Variants in ATOSA observed in about 807,000 individuals in gnomAD.
ATOSA encodes atos homolog protein A.
At chr15:52,698,351 G>A in the ATOSA span, among the ~76,000 whole-genome samples, 1 of 152,066 alleles carries the variant, frequency 6.6e-6, no homozygotes, top group Non-Finnish European at 1.5e-5. Flanking sequence ...AAACCACTGA[G>A]TTTCTGCTAG....
chr15:52,651,794 C>G, the ATOSA span: 2 of 1,406,594 alleles, frequency 1.4e-6, no homozygotes, highest in Non-Finnish European at 1.9e-6. Context: ...AAGCAAGCAC[C>G]ACAGCCAACT....
the ATOSA span, chr15:52,587,126 C>T: frequency 6.2e-7 from 1 of 1,612,372 alleles, no homozygotes; most frequent in East Asian, 2.2e-5. Flanking sequence ...ATGATTATTG[C>T]AATTGTAGGC....
the ATOSA span, among the ~76,000 whole-genome samples, chr15:52,670,655 A>G: frequency 2.0e-5 from 3 of 152,252 alleles, no homozygotes; most frequent in African/African-American, 7.2e-5. Context: ...CAGGATAGCA[A>G]GAGGAAACTA....
At chr15:52,610,083 A>G in the ATOSA span, 1 of 1,614,026 alleles carries the variant, frequency 6.2e-7, no homozygotes, top group Non-Finnish European at 8.5e-7. Flanking sequence ...ACACACTTTC[A>G]GGTGCCATGG....
At chr15:52,594,841 T>G in the ATOSA span, among the ~76,000 whole-genome samples, 1 of 152,212 alleles carries the variant, frequency 6.6e-6, no homozygotes. Flanking sequence ...GCCAGAGTTC[T>G]TTTTCTTTTT....
chr15:52,695,295 G>A, the ATOSA span, among the ~76,000 whole-genome samples: 8 of 152,156 alleles, frequency 5.3e-5, no homozygotes, highest in African/African-American at 7.2e-5. Flanking sequence ...ACAAGTCTGC[G>A]CTTTATCTGT....
chr15:52,655,474 A>G, the ATOSA span, among the ~76,000 whole-genome samples: 1 of 152,254 alleles, frequency 6.6e-6, no homozygotes, highest in South Asian at 2.1e-4. Context: ...TAATCCAGAG[A>G]AAGTGAAAGG....
the ATOSA span, among the ~76,000 whole-genome samples, chr15:52,600,505 AAATT>A: frequency 6.6e-6 from 1 of 152,196 alleles, no homozygotes. Context: ...CTACCATAAT[AAATT>A]AATGTTATCA....
chr15:52,683,188 C>A, the ATOSA span, among the ~76,000 whole-genome samples: 1 of 152,054 alleles, frequency 6.6e-6, no homozygotes, highest in Non-Finnish European at 1.5e-5. Context: ...TTTTTTGTGA[C>A]AGTAACTGTG....
At chr15:52,683,034 CG>C in the ATOSA span, among the ~76,000 whole-genome samples, 4 of 152,104 alleles carry the variant, frequency 2.6e-5, no homozygotes, top group Admixed American at 1.3e-4. Flanking sequence ...TCCCAGTCTG[CG>C]TAAGTGTCTT....
chr15:52,619,238 A>G, the ATOSA span, among the ~76,000 whole-genome samples: 1 of 152,190 alleles, frequency 6.6e-6, no homozygotes, highest in Non-Finnish European at 1.5e-5. Flanking sequence ...ATTGTTATAG[A>G]TTGTACTTGA....
chr15:52,669,288 G>A, the ATOSA span, among the ~76,000 whole-genome samples: 1 of 152,092 alleles, frequency 6.6e-6, no homozygotes, highest in African/African-American at 2.4e-5. Context: ...CCTATGGTTA[G>A]TTCTTTCATA....
the ATOSA span, among the ~76,000 whole-genome samples, chr15:52,705,721 T>C: frequency 2.0e-5 from 3 of 152,200 alleles, no homozygotes. Context: ...CAGGGCTCTC[T>C]TATCTTTAAT....
At chr15:52,587,140 A>G in the ATOSA span, 1 of 1,613,466 alleles carries the variant, frequency 6.2e-7, no homozygotes, top group Non-Finnish European at 8.5e-7. Flanking sequence ...TGTAGGCTAT[A>G]AAACACATAC....
the ATOSA span, among the ~76,000 whole-genome samples, chr15:52,653,438 C>G: frequency 6.6e-6 from 1 of 152,068 alleles, no homozygotes; most frequent in Non-Finnish European, 1.5e-5. Context: ...AATCTGATCA[C>G]CGGTTCCATA....
chr15:52,701,829 T>C, the ATOSA span, among the ~76,000 whole-genome samples: 3 of 152,076 alleles, frequency 2.0e-5, no homozygotes, highest in African/African-American at 7.2e-5. Context: ...ATGTTCCTAA[T>C]ACAGAAAGAG....
chr15:52,618,488 G>A, the ATOSA span, among the ~76,000 whole-genome samples: 1 of 152,160 alleles, frequency 6.6e-6, no homozygotes, highest in Admixed American at 6.5e-5. Flanking sequence ...CATACAAAGT[G>A]GGGAAGAGGG....
At chr15:52,688,011 A>T in the ATOSA span, among the ~76,000 whole-genome samples, 3 of 152,224 alleles carry the variant, frequency 2.0e-5, no homozygotes, top group African/African-American at 7.2e-5. Flanking sequence ...TGTTCCCAGG[A>T]GGATGAGAGA....
the ATOSA span, among the ~76,000 whole-genome samples, chr15:52,627,729 A>T: frequency 6.6e-6 from 1 of 152,082 alleles, no homozygotes; most frequent in Non-Finnish European, 1.5e-5. Flanking sequence ...TTTTAAAAAC[A>T]ATTTAACTTA....
Sources: gnomAD v4.1 joint callset for allele counts (sites outside exome capture counted in the v4.1 genomes callset) on GRCh38, gnomAD v4.1.1 for gene constraint, MANE v1.5 for transcripts, NCBI Gene and HGNC (gene_info 2026-07-23, HGNC 2026-07-21) for gene names.